ZNF516: variants seen among roughly 807,000 people sequenced by gnomAD.
ZNF516 encodes the protein zinc finger protein 516.
Under a neutral mutation model 79.7 loss-of-function variants are expected in ZNF516, and 19 were observed. The observed-to-expected ratio is 0.24, with a 90% CI of 0.17 to 0.35. The LOEUF is 0.35. Among genes scored for constraint, ZNF516 ranks in the 10% least tolerant of loss-of-function variants. The probability of loss-of-function intolerance (pLI) is 1.00; values close to 1 mark genes in which losing one functional copy is unlikely to be tolerated. For missense variants in ZNF516, 1,678 were observed against 1,679.5 expected, an observed-to-expected ratio of 1.00 and a Z score of 0.02; for synonymous variants, 877 against 739.5, an observed-to-expected ratio of 1.19 and a Z score of -3.02.
At position 76,441,270 on chromosome 18, in the gene ZNF516, C is replaced by T. The variant is rs2075814247; in HGVS notation, c.1785G>A (p.Glu595=). The T allele has an allele frequency of 6.2e-7, 1 of 1,610,800 alleles. No homozygotes were observed. Among genetic ancestry groups the T allele is most frequent in the Non-Finnish European group, 8.5e-7 (1 of 1,179,294 alleles). ...LADEAAEDSG[E]EGAPEPAPGG... ...CTGGTGCAGGTTCAGGGGCGCCCTC[C>T]TCACCACTGTCTTCGGCAGCCTCGT... The change falls in exon 3 of 7, where the codon GAG becomes GAA. Residue 595 remains glutamate, a synonymous_variant. Coordinates refer to ENST00000443185, the MANE Select transcript of ZNF516 (RefSeq NM_014643.4).
intron 2 of ZNF516, among the ~76,000 whole-genome samples, chr18:76,445,487 T>C (rs1911987317): frequency 6.6e-6 from 1 of 152,158 alleles, no homozygotes; most frequent in Non-Finnish European, 1.5e-5. Context: ...CCCACAAAAA[T>C]GCTGAATCTG....
chr18:76,371,336 T>C, intron 5 of ZNF516, 131 bp downstream of exon 5: 5 of 883,266 alleles, frequency 5.7e-6, no homozygotes, highest in South Asian at 3.4e-5. Flanking sequence ...CGGAGGCAGA[T>C]GGCAGGCCCC....
rs1250504232 is a variant in ZNF516, at chr18:76,361,071, C to T, written c.*1427G>A. The T allele has an allele frequency of 6.6e-6, 1 of 151,664 alleles. No individual in the cohort carries two copies. Among genetic ancestry groups the T allele is most frequent in the Non-Finnish European group, 1.5e-5 (1 of 67,948 alleles). 9.4% of individuals were successfully genotyped at this position (151,664 alleles called of 1,614,324 possible). ...TATATTTAGCATGCTCGTTTTAATC[C>T]ATTTCCTGCCTTTACAAAATTTCAC... On this transcript the variant is annotated 3_prime_UTR_variant, in exon 7 of 7. Transcript: ENST00000443185.
rs2074529465 is a variant in ZNF516 at position 76,360,978 on chromosome 18, G to A, written c.*1520C>T. On this transcript the variant is annotated 3_prime_UTR_variant, in exon 7 of 7. Transcript: ENST00000443185. ...AGTCCATTACCGTATTAAGTAAACT[G>A]TTGCTCTCGCCAGTATTAAAGGTTA... 1 of 151,652 alleles carries A rather than the reference G, an allele frequency of 6.6e-6. No homozygotes were observed. The highest frequency in any genetic ancestry group is 2.1e-4 in the South Asian group (1 of 4,814). 9.4% of individuals were successfully genotyped at this position (151,652 alleles called of 1,614,324 possible). A position where few individuals can be genotyped will look rare whatever the true frequency, so the allele number is the denominator to read the frequency against.
intron 1 of ZNF516, among the ~76,000 whole-genome samples, chr18:76,472,520 G>A (rs1013411062): frequency 1.3e-5 from 2 of 152,238 alleles, no homozygotes; most frequent in Non-Finnish European, 1.5e-5. Context: ...CTTGCGACAC[G>A]TGCGCTCACA....
At chr18:76,398,052 C>T (rs936832696) in intron 3 of ZNF516, among the ~76,000 whole-genome samples, 2 of 152,216 alleles carry the variant, frequency 1.3e-5, no homozygotes, top group African/African-American at 4.8e-5. Context: ...TGACAGCTTT[C>T]GGTTAAACAG....
upstream of ZNF516, chr18:76,496,399 A>AGCG: frequency 6.2e-6 from 8 of 1,289,566 alleles, no homozygotes; most frequent in South Asian, 8.6e-5. Context: ...CGGTTACCTC[A>AGCG]GCGGCGGCGT....
At chr18:76,391,365 C>T (rs894918449) in intron 3 of ZNF516, among the ~76,000 whole-genome samples, 17 of 152,198 alleles carry the variant, frequency 1.1e-4, no homozygotes, top group Admixed American at 3.3e-4. Flanking sequence ...ATCCTAACCC[C>T]CTCAACCCTA....
intron 1 of ZNF516, among the ~76,000 whole-genome samples, chr18:76,465,070 C>T (rs917497141): frequency 2.6e-5 from 4 of 152,336 alleles, no homozygotes; most frequent in African/African-American, 9.6e-5. Context: ...GCCCAGGGCT[C>T]GCCACGCAGC....
intron 1 of ZNF516, among the ~76,000 whole-genome samples, chr18:76,471,652 C>A (rs975354388): frequency 6.6e-6 from 1 of 152,212 alleles, no homozygotes; most frequent in Non-Finnish European, 1.5e-5. Context: ...CGGGGCCTCA[C>A]TAGATCCCGT....
At chr18:76,494,790 C>CCCGCGGCCCCTACCTTGGCAGGGA (rs1915411736) in intron 1 of ZNF516, among the ~76,000 whole-genome samples, 1 of 151,832 alleles carries the variant, frequency 6.6e-6, no homozygotes. Context: ...CCTCCTCCCG[C>CCCGCGGCCCCTACCTTGGCAGGGA]GTCGCCTTTG....
intron 6 of ZNF516, among the ~76,000 whole-genome samples, chr18:76,363,063 C>T (rs117623223): frequency 2.7e-4 from 41 of 152,260 alleles, no homozygotes; most frequent in African/African-American, 9.1e-4. Flanking sequence ...AGCGTGTTCA[C>T]CCATTTCCAT....
intron 1 of ZNF516, among the ~76,000 whole-genome samples, chr18:76,479,553 CACAGGCGTTCGTA>C (rs1914376988): frequency 6.6e-6 from 1 of 152,172 alleles, no homozygotes; most frequent in South Asian, 2.1e-4. Context: ...AGGGAAGACG[CACAGGCGTTCGTA>C]ACGGGCCAGA....
At chr18:76,370,507 C>A in intron 6 of ZNF516, 21 bp downstream of exon 6, 1 of 1,589,184 alleles carries the variant, frequency 6.3e-7, no homozygotes, top group Non-Finnish European at 8.6e-7. Context: ...ACCCAGACAT[C>A]CAATTCATCA....
At position 76,442,994 on chromosome 18, in the gene ZNF516, C is replaced by G; in HGVS notation, c.61G>C (p.Gly21Arg). 4 of 1,603,232 alleles carry G rather than the reference C, an allele frequency of 2.5e-6. No homozygotes were observed. In the South Asian group the frequency reaches 4.4e-5, roughly 18 times the overall value. The change falls in exon 3 of 7, where the codon GGC becomes CGC. Residue 21 changes from glycine to arginine, a missense_variant. Physicochemically the swap from Gly to Arg is moderately radical, Grantham distance 125. Around this residue, in one of 5 missense-constraint regions of ZNF516, gnomAD observed 62 missense variants for 58.9 expected, o/e 1.05. Transcript: ENST00000443185. ...LRRGPSPTRA[G>R]RGHEVDGDKA... ...TCCCCATCCACCTCGTGGCCCCGGC[C>G]GGCCCTGGTGGGGCTGGGGCCTCGC...
At chr18:76,455,984 C>G (rs1468699031) in intron 2 of ZNF516, among the ~76,000 whole-genome samples, 1 of 152,212 alleles carries the variant, frequency 6.6e-6, no homozygotes, top group African/African-American at 2.4e-5. Flanking sequence ...CCCTGTTCCC[C>G]TCCCAGAGAC....
rs901927077 is a variant in ZNF516, at chr18:76,360,337, G to C, written c.*2161C>G. 6.6e-6 allele frequency: 1 copy of C among 152,024 alleles called. No homozygotes were observed. The highest frequency in any genetic ancestry group is 1.5e-5 in the Non-Finnish European group (1 of 68,006). 9.4% of individuals were successfully genotyped at this position (152,024 alleles called of 1,614,324 possible). On this transcript the variant is annotated 3_prime_UTR_variant, in exon 7 of 7. Transcript: ENST00000443185. Reference sequence around the variant, plus strand: ...ACAGAGAAACAGGACTGGGTCACTAGTCCCTGACATTCCTAACAGTCACCA... The same window carrying C: ...ACAGAGAAACAGGACTGGGTCACTACTCCCTGACATTCCTAACAGTCACCA...
intron 3 of ZNF516, among the ~76,000 whole-genome samples, chr18:76,418,783 T>C (rs567227930): frequency 2.3e-3 from 343 of 152,350 alleles, no homozygotes; most frequent in Non-Finnish European, 3.8e-3. Context: ...CCGGGGAAAA[T>C]GAATTTAGTT....
intron 3 of ZNF516, among the ~76,000 whole-genome samples, chr18:76,431,946 G>A (rs72975925): frequency 0.27 from 41,780 of 152,164 alleles, 7,051 homozygotes; most frequent in East Asian, 0.44. Context: ...CTCCAGGTGT[G>A]TTCAGGCGGC....
Sources: gnomAD v4.1 joint callset for allele counts (sites outside exome capture counted in the v4.1 genomes callset) on GRCh38, gnomAD v4.1.1 for gene constraint, gnomAD v4.1.1 regional missense constraint, MANE v1.5 for transcripts, NCBI Gene and HGNC (gene_info 2026-07-23, HGNC 2026-07-21) for gene names.